Variants in GAREM1 observed in about 807,000 individuals in gnomAD.
GAREM1 encodes GRB2-associated and regulator of MAPK protein 1.
Under a neutral mutation model 71.3 loss-of-function variants are expected in GAREM1, and 26 were observed. The observed-to-expected ratio is 0.36, with a 90% CI of 0.27 to 0.51. The LOEUF (loss-of-function observed/expected upper bound fraction) is 0.51. GAREM1 is among the 20% of genes least tolerant of loss of function. GAREM1 has a pLI of 0.95. For synonymous variants in GAREM1, 440 were observed against 433.2 expected (o/e 1.02, Z -0.20); for missense variants, 1,026 against 1,103.1 (o/e 0.93, Z 0.99).
chr18:32,297,852 G>A (rs1221941257), intron 3 of GAREM1, among the ~76,000 whole-genome samples: 1 of 152,188 alleles, frequency 6.6e-6, no homozygotes, highest in African/African-American at 2.4e-5. Flanking sequence ...GGGATAAGAT[G>A]CAGACAGGGA....
intron 1 of GAREM1, among the ~76,000 whole-genome samples, chr18:32,393,724 T>C (rs2048225269): frequency 1.3e-5 from 2 of 152,364 alleles, no homozygotes; most frequent in East Asian, 3.9e-4. Flanking sequence ...AAATTTCTTT[T>C]CATTTTAATA....
chr18:32,428,455 T>G (rs1044950935), intron 1 of GAREM1, among the ~76,000 whole-genome samples: 10 of 152,140 alleles, frequency 6.6e-5, no homozygotes, highest in Non-Finnish European at 1.3e-4. Flanking sequence ...GTTGGAACAG[T>G]GAGTGAGTTC....
intron 1 of GAREM1, among the ~76,000 whole-genome samples, chr18:32,431,043 A>G (rs1216136720): frequency 6.6e-6 from 1 of 152,194 alleles, no homozygotes; most frequent in Non-Finnish European, 1.5e-5. Context: ...GCATGCCTGG[A>G]TCTGACCATA....
At chr18:32,305,646 A>T (rs2047246529) in intron 3 of GAREM1, among the ~76,000 whole-genome samples, 1 of 152,134 alleles carries the variant, frequency 6.6e-6, no homozygotes, top group African/African-American at 2.4e-5. Context: ...CAGCCTCCCA[A>T]GTAGCTGGGA....
chr18:32,401,585 G>C (rs2048316238), intron 1 of GAREM1, among the ~76,000 whole-genome samples: 1 of 152,140 alleles, frequency 6.6e-6, no homozygotes. Context: ...GAGAGGCAAA[G>C]GGGAACCACT....
In GAREM1 at chr18:32,268,144, C is replaced by A. The variant is rs150643395; in HGVS notation, c.2358G>T (p.Pro786=). 1 of 1,613,980 alleles carries A rather than the reference C, an allele frequency of 6.2e-7. No individual in the cohort carries two copies. Among genetic ancestry groups the A allele is most frequent in the South Asian group, 1.1e-5 (1 of 91,056 alleles). Residue 786 remains proline (P), a synonymous_variant, in exon 6 of 6, where the codon CCG becomes CCT. Transcript: ENST00000269209. ...IFSASYPFSS[P]LHLQLAPRSC... The stretch of plus-strand genomic sequence containing the variant: ...ATCTGGGGGCCAGCTGGAGATGGAG[C>A]GGAGATGAGAAAGGGTAGGAGGCAG...
chr18:32,286,988 GAC>G, intron 4 of GAREM1, 41 bp downstream of exon 4: 1 of 1,370,678 alleles, frequency 7.3e-7, no homozygotes, highest in Non-Finnish European at 1.0e-6. Context: ...TGAGCAGAGA[GAC>G]AGAAAGACTG....
At chr18:32,439,295 T>C (rs1196513281) in intron 1 of GAREM1, among the ~76,000 whole-genome samples, 1 of 152,146 alleles carries the variant, frequency 6.6e-6, no homozygotes, top group Non-Finnish European at 1.5e-5. Context: ...AAGAGTTCTT[T>C]TTCAAAAGAA....
intron 2 of GAREM1, among the ~76,000 whole-genome samples, chr18:32,353,344 A>G (rs528586594): frequency 6.6e-6 from 1 of 152,342 alleles, no homozygotes; most frequent in East Asian, 1.9e-4. Flanking sequence ...TTTCTTAGCA[A>G]CAATACTTCC....
Position 32,264,749 on chromosome 18 carries a change from TGTGA to T in GAREM1, c.*3118_*3121del. The T allele has an allele frequency of 6.6e-6, 1 of 152,372 alleles. No individual in the cohort carries two copies. The highest frequency in any genetic ancestry group is 1.9e-4 in the East Asian group (1 of 5,188). The allele number at this position is 152,372 out of a possible 1,614,324, so 9.4% of individuals were successfully genotyped here. ...GAAGAGAAAACTTGCAAGATTGATC[TGTGA>T]GTGTCTGAATTCTGCCTCCCAACAT... On this transcript the variant is annotated 3_prime_UTR_variant, in exon 6 of 6. Coordinates refer to ENST00000269209, the MANE Select transcript of GAREM1 (RefSeq NM_001242409.2).
chr18:32,408,646 C>T (rs1179401840), intron 1 of GAREM1, among the ~76,000 whole-genome samples: 1 of 152,108 alleles, frequency 6.6e-6, no homozygotes, highest in Admixed American at 6.6e-5. Context: ...AGACTAAATA[C>T]CCAGTAACCA....
intron 2 of GAREM1, among the ~76,000 whole-genome samples, chr18:32,336,429 CA>C (rs35803922): frequency 0.033 from 2,385 of 72,856 alleles, 11 homozygotes; most frequent in East Asian, 0.088. Context: ...GACTCCGTCT[CA>C]AAAAAAAAAA....
chr18:32,369,787 C>G (rs1336476210), intron 2 of GAREM1, among the ~76,000 whole-genome samples: 1 of 152,188 alleles, frequency 6.6e-6, no homozygotes, highest in East Asian at 1.9e-4. Context: ...CACTCTGACA[C>G]AATCATCATC....
chr18:32,378,650 G>A (rs940894200), intron 2 of GAREM1, among the ~76,000 whole-genome samples: 1 of 152,126 alleles, frequency 6.6e-6, no homozygotes, highest in Non-Finnish European at 1.5e-5. Context: ...CTATAGAAGA[G>A]CTCTGGTTAA....
At chr18:32,343,033 T>G (rs954195244) in intron 2 of GAREM1, among the ~76,000 whole-genome samples, 2 of 152,248 alleles carry the variant, frequency 1.3e-5, no homozygotes, top group African/African-American at 4.8e-5. Flanking sequence ...TCTCCCTGTA[T>G]CTCTGATATT....
At chr18:32,418,215 C>A (rs1599033841) in intron 1 of GAREM1, among the ~76,000 whole-genome samples, 1 of 152,254 alleles carries the variant, frequency 6.6e-6, no homozygotes, top group Middle Eastern at 3.4e-3. Context: ...TATAATAGAG[C>A]AACCCGTGTT....
chr18:32,451,452 C>T (rs996102020), intron 1 of GAREM1, among the ~76,000 whole-genome samples: 4 of 152,148 alleles, frequency 2.6e-5, no homozygotes, highest in African/African-American at 7.2e-5. Context: ...CACCTGCAAC[C>T]TGCTTCTCTA....
At position 32,270,314 on chromosome 18, in the gene GAREM1, T is replaced by C. The variant is rs2041440340; in HGVS notation, c.1636A>G (p.Ser546Gly). ...PPRSAKPLSTSPSIPPRTVKP... is the reference protein window; with the variant it reads ...PPRSAKPLSTGPSIPPRTVKP... ...ACTGTGCGAGGAGGGATGGAGGGAC[T>C]GGTGGACAAAGGCTTTGCGCTTCGG... The change falls in exon 5 of 6, where the codon AGT (serine) becomes GGT (glycine). Residue 546 changes from serine (S) to glycine (G), a missense_variant. Around this residue, in one of 3 missense-constraint regions of GAREM1, gnomAD observed 636 missense variants for 631.2 expected, o/e 1.01. Transcript: ENST00000269209. The C allele has an allele frequency of 6.2e-7, 1 of 1,613,952 alleles. No individual in the cohort carries two copies. Among genetic ancestry groups the C allele is most frequent in the Non-Finnish European group, 8.5e-7 (1 of 1,179,930 alleles).
At chr18:32,370,332 A>T (rs1028434853) in intron 2 of GAREM1, among the ~76,000 whole-genome samples, 1 of 151,674 alleles carries the variant, frequency 6.6e-6, no homozygotes, top group African/African-American at 2.4e-5. Flanking sequence ...GGAGGCTGAG[A>T]AAGGAGAATC....
Sources: gnomAD v4.1 joint callset for allele counts (sites outside exome capture counted in the v4.1 genomes callset) on GRCh38, gnomAD v4.1.1 for gene constraint, gnomAD v4.1.1 regional missense constraint, MANE v1.5 for transcripts, NCBI Gene and HGNC (gene_info 2026-07-23, HGNC 2026-07-21) for gene names.